The following RPS6KA2 variants were observed in gnomAD, a reference collection of about 807,000 sequenced individuals.
RPS6KA2 encodes the protein ribosomal protein S6 kinase alpha-2.
RPS6KA2 carries 42 observed loss-of-function variants against 91.8 expected under a neutral mutation model. The observed-to-expected ratio is 0.46, with a 90% CI of 0.36 to 0.59. The LOEUF (loss-of-function observed/expected upper bound fraction) is 0.59, where lower values mean the gene tolerates loss of function less well. Among genes scored for constraint, RPS6KA2 ranks in the 20% least tolerant of loss-of-function variants. The probability of loss-of-function intolerance (pLI) is 0.00; values close to 1 mark genes in which losing one functional copy is unlikely to be tolerated. For missense variants in RPS6KA2, 798 were observed against 978.5 expected (o/e 0.82, Z 2.46); for synonymous variants, 414 against 393.6 (o/e 1.05, Z -0.61).
chr6:166,859,266 G>A (rs986580877), intron 1 of RPS6KA2, among the ~76,000 whole-genome samples: 9 of 152,172 alleles, frequency 5.9e-5, no homozygotes. Context: ...GAAAAATCAT[G>A]CTTATTCCTC....
At chr6:166,519,007 G>A (rs112028144) in intron 3 of RPS6KA2, among the ~76,000 whole-genome samples, 2 of 152,372 alleles carry the variant, frequency 1.3e-5, no homozygotes, top group Admixed American at 6.5e-5. Flanking sequence ...GAATGAGAGA[G>A]CTGCAACCAT....
chr6:166,760,457 T>C (rs1228879131), intron 2 of RPS6KA2, among the ~76,000 whole-genome samples: 4 of 152,222 alleles, frequency 2.6e-5, no homozygotes, highest in African/African-American at 9.7e-5. Flanking sequence ...GTCAAAGTGA[T>C]AAGATCATCG....
At chr6:166,567,394 C>T (rs1784536937) in intron 1 of RPS6KA2, among the ~76,000 whole-genome samples, 2 of 152,176 alleles carry the variant, frequency 1.3e-5, no homozygotes, top group South Asian at 2.1e-4. Flanking sequence ...CAGAGGTTCA[C>T]GTGAGTCACT....
intron 1 of RPS6KA2, among the ~76,000 whole-genome samples, chr6:166,577,372 ACT>A (rs1171543332): frequency 6.6e-6 from 1 of 152,142 alleles, no homozygotes; most frequent in East Asian, 1.9e-4. Flanking sequence ...AGCCTCAGAC[ACT>A]CAACACCAGC....
chr6:166,547,869 A>T (rs1252772729), intron 1 of RPS6KA2, among the ~76,000 whole-genome samples: 1 of 152,236 alleles, frequency 6.6e-6, no homozygotes, highest in Non-Finnish European at 1.5e-5. Context: ...GCCTGCTTCT[A>T]TTCTGTACAA....
At chr6:166,507,487 C>T (rs1782278439) in intron 5 of RPS6KA2, among the ~76,000 whole-genome samples, 1 of 150,972 alleles carries the variant, frequency 6.6e-6, no homozygotes, top group African/African-American at 2.4e-5. Flanking sequence ...CACAGGATGT[C>T]AAACACACAG....
rs1784548818 is a variant in RPS6KA2, at chr6:166,567,850, C to T, written c.100-29066G>A. ...TCTCTCCCCAGCGATCCGTGCTAAG[C>T]TTACGTTTCCCAAGGGCCTGTCAGA... is the stretch of plus-strand genomic sequence containing the variant. On this transcript the variant is annotated intron_variant, in intron 1 of 20. Coordinates refer to ENST00000265678, the MANE Select transcript of RPS6KA2 (RefSeq NM_021135.6). 2.0e-5 allele frequency among the ~76,000 whole-genome samples: 3 copies of T among 152,320 alleles called. No individual in the cohort carries two copies. In the Middle Eastern group the frequency reaches 0.01, roughly 518 times the overall value.
intron 1 of RPS6KA2, among the ~76,000 whole-genome samples, chr6:166,559,856 A>G (rs774408427): frequency 2.0e-5 from 3 of 152,240 alleles, no homozygotes; most frequent in African/African-American, 4.8e-5. Flanking sequence ...CCAGACAAAT[A>G]TCAAGAGGCC....
At chr6:166,517,471 T>G (rs1445056591) in intron 3 of RPS6KA2, among the ~76,000 whole-genome samples, 10 of 60,254 alleles carry the variant, frequency 1.7e-4, no homozygotes, top group Middle Eastern at 0.012. Context: ...TTTTTTTTTT[T>G]TTTTTTTTTT....
At chr6:166,630,613 C>T (rs986390593), upstream of RPS6KA2, among the ~76,000 whole-genome samples, 2 of 152,196 alleles carry the variant, frequency 1.3e-5, no homozygotes, top group Non-Finnish European at 2.9e-5. Flanking sequence ...TTCGAAGGCT[C>T]TGCCCATCAC....
At chr6:166,681,013 C>A (rs962098271) in intron 2 of RPS6KA2, among the ~76,000 whole-genome samples, 4 of 152,196 alleles carry the variant, frequency 2.6e-5, no homozygotes, top group African/African-American at 9.7e-5. Flanking sequence ...TAACAGCAGC[C>A]GCTTGTCTCT....
intron 14 of RPS6KA2, among the ~76,000 whole-genome samples, chr6:166,443,512 G>A (rs1257810862): frequency 6.6e-6 from 1 of 152,172 alleles, no homozygotes; most frequent in Non-Finnish European, 1.5e-5. Context: ...TCCCTGGAGA[G>A]ACAGACTCCT....
intron 2 of RPS6KA2, among the ~76,000 whole-genome samples, chr6:166,827,397 A>T (rs1223727740): frequency 2.0e-5 from 3 of 152,072 alleles, no homozygotes; most frequent in Admixed American, 6.5e-5. Flanking sequence ...CTTGTTATTG[A>T]TCTTGTGGCC....
chr6:166,856,472 G>C (rs1780907079), intron 2 of RPS6KA2, among the ~76,000 whole-genome samples: 1 of 152,202 alleles, frequency 6.6e-6, no homozygotes, highest in Non-Finnish European at 1.5e-5. Context: ...AAGCCTCCCA[G>C]TGTGGCATTC....
At chr6:166,641,112 C>A (rs531021142) in intron 2 of RPS6KA2, among the ~76,000 whole-genome samples, 1 of 152,264 alleles carries the variant, frequency 6.6e-6, no homozygotes, top group African/African-American at 2.4e-5. Flanking sequence ...TCAGGAGGAA[C>A]ATGCTTTAAA....
At chr6:166,540,936 T>C (rs1028479842) in intron 1 of RPS6KA2, among the ~76,000 whole-genome samples, 3 of 152,236 alleles carry the variant, frequency 2.0e-5, no homozygotes, top group South Asian at 2.1e-4. Flanking sequence ...TTTCCCGTCA[T>C]TGACCTACGA....
At chr6:166,701,833 A>T in intron 2 of RPS6KA2, 1 of 905,154 alleles carries the variant, frequency 1.1e-6, no homozygotes, top group African/African-American at 1.6e-5. Context: ...ATGTCTCAAC[A>T]TTGCCTTTAG....
chr6:166,527,153 G>A (rs1783081312), intron 3 of RPS6KA2, among the ~76,000 whole-genome samples: 1 of 152,214 alleles, frequency 6.6e-6, no homozygotes, highest in Non-Finnish European at 1.5e-5. Flanking sequence ...ACAGGGTGCA[G>A]CTTCCCGCTC....
At chr6:166,466,654 A>G (rs1320312723) in intron 11 of RPS6KA2, among the ~76,000 whole-genome samples, 1 of 152,210 alleles carries the variant, frequency 6.6e-6, no homozygotes, top group Admixed American at 6.5e-5. Flanking sequence ...GAGTGAGGAA[A>G]TGGAGGGGGC....
Sources: allele counts gnomAD v4.1 joint callset (sites outside exome capture counted in the v4.1 genomes callset), GRCh38; gene constraint gnomAD v4.1.1; transcripts MANE v1.5; gene names NCBI Gene and HGNC (gene_info 2026-07-23, HGNC 2026-07-21).